TRHDE: variants seen among roughly 807,000 people sequenced by gnomAD.
TRHDE encodes the protein thyrotropin releasing hormone degrading enzyme.
A neutral mutation model predicts 125.7 loss-of-function variants in TRHDE; 72 were observed. The ratio of observed to expected loss-of-function variants is 0.57; its 90% CI spans 0.47 to 0.70. TRHDE has a LOEUF of 0.70. TRHDE is among the 30% of genes least tolerant of loss of function. TRHDE has a pLI of 0.00. For missense variants in TRHDE, 1,110 were observed against 1,327.1 expected (o/e 0.84, Z 2.54); for synonymous variants, 509 against 509.1 (o/e 1.00, Z 0.00).
intron 3 of TRHDE, among the ~76,000 whole-genome samples, chr12:72,433,165 A>G (rs562486035): frequency 5.3e-5 from 8 of 152,258 alleles, no homozygotes; most frequent in Admixed American, 2.0e-4. Context: ...GCCATGGTAT[A>G]TAATCATTTT....
chr12:72,531,449 A>C (rs10879438), intron 6 of TRHDE, among the ~76,000 whole-genome samples: 10,628 of 152,036 alleles, frequency 0.07, 445 homozygotes, highest in Middle Eastern at 0.12. Context: ...TTTATCATAT[A>C]GATTTTAAAG....
chr12:72,655,715 G>A (rs555412953), intron 17 of TRHDE, among the ~76,000 whole-genome samples: 3 of 152,194 alleles, frequency 2.0e-5, no homozygotes, highest in South Asian at 4.1e-4. Flanking sequence ...ATCTTCACAG[G>A]ACAATATAAG....
At chr12:72,653,682 G>A (rs916549841) in intron 17 of TRHDE, among the ~76,000 whole-genome samples, 1 of 151,876 alleles carries the variant, frequency 6.6e-6, no homozygotes, top group Admixed American at 6.6e-5. Flanking sequence ...CTTGTTTCAT[G>A]GTGAGAATTC....
intron 7 of TRHDE, 47 bp downstream of exon 7, chr12:72,542,403 ATAT>A: frequency 6.6e-7 from 1 of 1,510,760 alleles, no homozygotes. Flanking sequence ...CCTTGTCAAT[ATAT>A]TTCACAGCTT....
intron 2 of TRHDE, among the ~76,000 whole-genome samples, chr12:72,107,256 C>G (rs912931448): frequency 2.6e-5 from 4 of 152,050 alleles, no homozygotes; most frequent in African/African-American, 9.7e-5. Context: ...AATGTGCTAT[C>G]CCACAAATTC....
intron 2 of TRHDE, among the ~76,000 whole-genome samples, chr12:72,148,067 C>T (rs887452126): frequency 6.6e-6 from 1 of 152,170 alleles, no homozygotes; most frequent in African/African-American, 2.4e-5. Context: ...TTTAAAGAAT[C>T]CCAGGAGATG....
chr12:72,272,318 G>T (rs1256048929), upstream of TRHDE: 8 of 360,538 alleles, frequency 2.2e-5, no homozygotes, highest in Non-Finnish European at 3.8e-5. The surrounding 1 kb of genome is among the most constrained non-coding windows in gnomAD (Gnocchi z 6.7). Flanking sequence ...GCCGGGAGCC[G>T]CAGGCGCGCA....
chr12:72,456,626 C>A (rs1875867623), intron 3 of TRHDE, among the ~76,000 whole-genome samples: 1 of 152,006 alleles, frequency 6.6e-6, no homozygotes, highest in Non-Finnish European at 1.5e-5. Flanking sequence ...AAAATGGCTC[C>A]TGGCAATTTT....
Position 72,114,024 on chromosome 12 carries a change from G to A in TRHDE, n.279+8272G>A, listed in dbSNP as rs565758103. On this transcript the variant is annotated intron_variant and non_coding_transcript_variant, in intron 2 of 4. Transcript: ENST00000548156. ...TTTTACCAGAATCTTCATTGGTTCT[G>A]TCAGTCTTTCTCTGGTTGGTTTTCT... Among the ~76,000 whole-genome samples the A allele has an allele frequency of 6.3e-4, 96 of 151,842 alleles. 1 individual carries two copies. Among genetic ancestry groups the A allele is most frequent in the African/African-American group, 2.2e-3 (92 of 41,394 alleles).
intron 2 of TRHDE, among the ~76,000 whole-genome samples, chr12:72,315,089 T>C (rs1868734670): frequency 6.6e-6 from 1 of 152,214 alleles, no homozygotes; most frequent in South Asian, 2.1e-4. Flanking sequence ...ATTCAGAGTA[T>C]TTTAACCCTT....
chr12:72,555,280 T>C (rs879406112), intron 7 of TRHDE, among the ~76,000 whole-genome samples: 3 of 152,162 alleles, frequency 2.0e-5, no homozygotes, highest in Admixed American at 2.0e-4. Context: ...CAGAATGGTA[T>C]ACAAACCATG....
At chr12:72,527,500 G>A in intron 6 of TRHDE, among the ~76,000 whole-genome samples, 1 of 151,624 alleles carries the variant, frequency 6.6e-6, no homozygotes, top group East Asian at 1.9e-4. Context: ...CAGAAGAAAT[G>A]GCCATCAGAG....
At chr12:72,391,146 G>C (rs1339306941) in intron 3 of TRHDE, among the ~76,000 whole-genome samples, 2 of 152,062 alleles carry the variant, frequency 1.3e-5, no homozygotes, top group African/African-American at 2.4e-5. Flanking sequence ...TGACACTGGA[G>C]GGGTTTAGGA....
At chr12:72,490,117 T>G (rs190172254) in intron 5 of TRHDE, among the ~76,000 whole-genome samples, 35 of 151,828 alleles carry the variant, frequency 2.3e-4, no homozygotes, top group African/African-American at 8.4e-4. Flanking sequence ...GTCCAAAAGA[T>G]ATAAAGAACA....
At chr12:72,498,485 C>T (rs1317621238) in intron 5 of TRHDE, among the ~76,000 whole-genome samples, 2 of 152,118 alleles carry the variant, frequency 1.3e-5, no homozygotes, top group African/African-American at 2.4e-5. Context: ...GCGTTGGAGT[C>T]TTAATCTCTG....
At chr12:72,595,713 G>T (rs1304173298) in intron 12 of TRHDE, among the ~76,000 whole-genome samples, 1 of 152,072 alleles carries the variant, frequency 6.6e-6, no homozygotes, top group African/African-American at 2.4e-5. Context: ...CTTCTCTTAT[G>T]CTTAGATTCC....
intron 2 of TRHDE, among the ~76,000 whole-genome samples, chr12:72,337,722 T>A (rs1869891358): frequency 6.6e-6 from 1 of 152,128 alleles, no homozygotes; most frequent in African/African-American, 2.4e-5. Flanking sequence ...TTCCTGCTTA[T>A]GTCTTTTGCT....
At chr12:72,623,224 G>A (rs1366171303) in intron 15 of TRHDE, among the ~76,000 whole-genome samples, 1 of 151,974 alleles carries the variant, frequency 6.6e-6, no homozygotes, top group African/African-American at 2.4e-5. Context: ...ATATTATGGA[G>A]AAAGTATAGT....
chr12:72,190,963 A>T (rs1244428164), intron 2 of TRHDE, among the ~76,000 whole-genome samples: 1 of 152,226 alleles, frequency 6.6e-6, no homozygotes, highest in Non-Finnish European at 1.5e-5. Flanking sequence ...ATAGTTACTC[A>T]TTCTGGATTT....
Sources: gnomAD v4.1 joint callset for allele counts (sites outside exome capture counted in the v4.1 genomes callset) on GRCh38, gnomAD v4.1.1 for gene constraint, Gnocchi (gnomAD v3.1) non-coding constraint, MANE v1.5 for transcripts, NCBI Gene and HGNC (gene_info 2026-07-23, HGNC 2026-07-21) for gene names.